SCPEP1: variants seen among roughly 807,000 people sequenced by gnomAD.
SCPEP1 encodes serine carboxypeptidase 1.
A neutral mutation model predicts 63.8 loss-of-function variants in SCPEP1; 51 were observed. That is an observed-to-expected ratio of 0.80 (90% CI 0.64 to 1.01). The LOEUF (loss-of-function observed/expected upper bound fraction) is 1.01. Among genes scored for constraint, SCPEP1 ranks in the 50% least tolerant of loss-of-function variants. The probability of loss-of-function intolerance (pLI) is 0.00; values close to 1 mark genes in which losing one functional copy is unlikely to be tolerated. For missense variants in SCPEP1, 499 were observed against 554.9 expected (o/e 0.90, Z 1.01); for synonymous variants, 204 against 207.8 (o/e 0.98, Z 0.16).
In SCPEP1 at chr17:56,991,134, G is replaced by C. The variant is rs758963835; in HGVS notation, c.582G>C (p.Ala194=). 1 of 1,614,064 alleles carries C rather than the reference G, an allele frequency of 6.2e-7. No individual in the cohort carries two copies. Among genetic ancestry groups the C allele is most frequent in the Non-Finnish European group, 8.5e-7 (1 of 1,179,962 alleles). ...GAGGGACCATCAAGTGCAACTTTGCGGGGGTTGCCTTGGGTGATTCCTGGA... is the reference window on the plus strand; with the variant it reads ...GAGGGACCATCAAGTGCAACTTTGCCGGGGTTGCCTTGGGTGATTCCTGGA... The part of the protein sequence containing the change: ...IQRGTIKCNF[A]GVALGDSWIS... Residue 194 remains alanine (A), a synonymous_variant, in exon 6 of 13, where the codon GCG becomes GCC. Transcript: ENST00000262288.
chr17:56,979,471 C>A (rs1911006416), intron 1 of SCPEP1, among the ~76,000 whole-genome samples: 1 of 146,194 alleles, frequency 6.8e-6, no homozygotes, highest in Non-Finnish European at 1.5e-5. Context: ...AGCCCCTCTA[C>A]TTTTTTTTTT....
chr17:56,995,323 T>G lies in SCPEP1; in HGVS notation c.658-184T>G, dbSNP rs183749104. ...TGAAAGATCACGGTGAATACCTACT[T>G]AGGTTCAGTTAACAATTTGCTGTGT... is the stretch of plus-strand genomic sequence containing the variant. On this transcript the variant is annotated intron_variant, in intron 7 of 12. Coordinates refer to ENST00000262288, the MANE Select transcript of SCPEP1 (RefSeq NM_021626.3). 1,575 of 625,546 alleles carry G rather than the reference T, an allele frequency of 2.5e-3. 34 individuals carry two copies. The Admixed American group carries it at 0.04, about 16-fold the overall frequency. 38.7% of individuals were successfully genotyped at this position (625,546 alleles called of 1,614,324 possible). A position where few individuals can be genotyped will look rare whatever the true frequency, so the allele number is the denominator to read the frequency against.
At chr17:56,989,656 A>G (rs1911334094) in intron 5 of SCPEP1, among the ~76,000 whole-genome samples, 1 of 152,220 alleles carries the variant, frequency 6.6e-6, no homozygotes, top group African/African-American at 2.4e-5. Context: ...CAGCATAAAG[A>G]ATGGATCCAG....
intron 10 of SCPEP1, 85 bp from the exon 11 acceptor site, chr17:57,000,770 G>C: frequency 6.7e-7 from 1 of 1,485,010 alleles, no homozygotes; most frequent in South Asian, 1.1e-5. Context: ...GTTCGGTGCT[G>C]GAGCCCAAGA....
chr17:57,003,627 A>C (rs1466402038), intron 12 of SCPEP1, among the ~76,000 whole-genome samples: 1 of 152,190 alleles, frequency 6.6e-6, no homozygotes, highest in African/African-American at 2.4e-5. Flanking sequence ...AGACTGAGAA[A>C]GGAGCAGCCA....
At chr17:56,981,550 C>T (rs1222229688) in intron 2 of SCPEP1, among the ~76,000 whole-genome samples, 1 of 152,118 alleles carries the variant, frequency 6.6e-6, no homozygotes, top group Non-Finnish European at 1.5e-5. Flanking sequence ...CACAGTGGCT[C>T]ATGTCTGTAA....
chr17:56,983,638 T>C (rs1911128443), intron 2 of SCPEP1: 1 of 152,226 alleles, frequency 6.6e-6, no homozygotes, highest in Non-Finnish European at 1.5e-5. Context: ...AACATCTTCA[T>C]CTGGTTTGTG....
At chr17:56,995,121 T>G in intron 7 of SCPEP1, 103 bp downstream of exon 7, 3 of 1,020,204 alleles carry the variant, frequency 2.9e-6, no homozygotes, top group Admixed American at 2.0e-5. Context: ...CCTATGTGGT[T>G]GACACTGCTT....
intron 3 of SCPEP1, among the ~76,000 whole-genome samples, chr17:56,986,835 G>A (rs542687473): frequency 2.6e-4 from 39 of 152,300 alleles, no homozygotes; most frequent in Admixed American, 3.3e-4. Flanking sequence ...GTGAGCCACC[G>A]TGCGCGGCCT....
intron 1 of SCPEP1, among the ~76,000 whole-genome samples, chr17:56,978,475 A>G (rs892843888): frequency 2.7e-5 from 4 of 150,242 alleles, no homozygotes; most frequent in African/African-American, 4.9e-5. Flanking sequence ...CTACGCCTAG[A>G]TAGAAGCTGT....
intron 2 of SCPEP1, chr17:56,982,975 A>G (rs1911111887): frequency 6.6e-6 from 1 of 151,996 alleles, no homozygotes; most frequent in African/African-American, 2.4e-5. Context: ...CATGGTGCTG[A>G]CTTCTCTCGG....
rs62075380 is a variant in SCPEP1, at chr17:57,004,668, T to C, written c.1297-1505T>C. Among the ~76,000 whole-genome samples, 1,022 of 152,348 alleles carry C rather than the reference T, an allele frequency of 6.7e-3. 10 individuals are homozygous for C. Among genetic ancestry groups the C allele is most frequent in the Middle Eastern group, 0.017 (5 of 294 alleles). On this transcript the variant is annotated intron_variant, in intron 12 of 12. Coordinates refer to ENST00000262288, the MANE Select transcript of SCPEP1 (RefSeq NM_021626.3). ...CAATGGAATTCATTTATGTTTCATATACACCTTATACACATAGACCGAAGG... is the reference window on the plus strand; with the variant it reads ...CAATGGAATTCATTTATGTTTCATACACACCTTATACACATAGACCGAAGG...
Position 56,978,191 on chromosome 17 carries a change from C to T in SCPEP1, c.32C>T (p.Pro11Leu), listed in dbSNP as rs765528106. The T allele has an allele frequency of 3.8e-6, 6 of 1,567,618 alleles. No individual in the cohort carries two copies. The highest frequency in any genetic ancestry group is 5.2e-6 in the Non-Finnish European group (6 of 1,161,790). MELALRRSPV[P>L]RWLLLLPLLL... is the part of the protein sequence containing the mutation. ...CTGGCACTGCGGCGCTCTCCCGTCC[C>T]GCGGTGGTTGCTGCTGCTGCCGCTG... Residue 11 changes from proline to leucine, a missense_variant, in exon 1 of 13, where the codon CCG (proline) becomes CTG (leucine). Coordinates refer to ENST00000262288, the MANE Select transcript of SCPEP1 (RefSeq NM_021626.3).
In SCPEP1 at chr17:56,995,137, G is replaced by A. The variant is rs556580541; in HGVS notation, c.657+119G>A. On this transcript the variant is annotated intron_variant, in intron 7 of 12. Coordinates refer to ENST00000262288, the MANE Select transcript of SCPEP1 (RefSeq NM_021626.3). ...CTATGTGGTTGACACTGCTTTTTAG[G>A]GACTAGTCATCCACATAGAGTTGGA... 6.7e-5 allele frequency: 56 copies of A among 830,766 alleles called. No individual in the cohort carries two copies. The East Asian group carries it at 1.2e-3, about 18-fold the overall frequency. The allele number at this position is 830,766 out of a possible 1,614,324, so 51.5% of individuals were successfully genotyped here.
intron 8 of SCPEP1, among the ~76,000 whole-genome samples, chr17:56,996,554 C>G (rs1911569146): frequency 1.3e-5 from 2 of 151,480 alleles, no homozygotes; most frequent in African/African-American, 4.9e-5. Flanking sequence ...AAGTCTGGCT[C>G]TGTCACCCAC....
At chr17:56,995,443 G>A in intron 7 of SCPEP1, 64 bp from the exon 8 acceptor site, 1 of 1,561,454 alleles carries the variant, frequency 6.4e-7, no homozygotes, top group Non-Finnish European at 8.7e-7. Flanking sequence ...CTCCCTAACT[G>A]CAGCAATACC....
At chr17:56,990,379 A>T (rs1243016325) in intron 5 of SCPEP1, among the ~76,000 whole-genome samples, 1 of 152,218 alleles carries the variant, frequency 6.6e-6, no homozygotes, top group Non-Finnish European at 1.5e-5. Context: ...AACTTATAGA[A>T]ACAGCATATG....
chr17:56,986,991 C>G (rs374895646), intron 3 of SCPEP1: 1 of 152,342 alleles, frequency 6.6e-6, no homozygotes, highest in African/African-American at 2.4e-5. Context: ...CCACTCCCCA[C>G]CCCCATTGTC....
At chr17:56,994,611 G>A (rs1597919676) in intron 6 of SCPEP1, among the ~76,000 whole-genome samples, 1 of 152,276 alleles carries the variant, frequency 6.6e-6, no homozygotes. Flanking sequence ...GTGAGGGTGG[G>A]GAAATATTTT....
Sources: allele counts gnomAD v4.1 joint callset (sites outside exome capture counted in the v4.1 genomes callset), GRCh38; gene constraint gnomAD v4.1.1; transcripts MANE v1.5; gene names NCBI Gene and HGNC (gene_info 2026-07-23, HGNC 2026-07-21).